SH3GL2: variants seen among roughly 807,000 people sequenced by gnomAD.
The protein encoded by SH3GL2 is endophilin-A1.
A neutral mutation model predicts 46.0 loss-of-function variants in SH3GL2; 24 were observed. That is an observed-to-expected ratio of 0.52 (90% CI 0.38 to 0.73). SH3GL2 has a LOEUF of 0.73. Ranked by LOEUF, SH3GL2 falls within the 30% of genes least tolerant of loss-of-function variation. The pLI, the probability that SH3GL2 is intolerant of heterozygous loss-of-function variation, is 0.00. For missense variants in SH3GL2, 413 were observed against 424.2 expected (o/e 0.97, Z 0.23); for synonymous variants, 196 against 147.1 (o/e 1.33, Z -2.40).
At chr9:17,695,595 G>A (rs78314758) in intron 1 of SH3GL2, among the ~76,000 whole-genome samples, 22,271 of 151,608 alleles carry the variant, frequency 0.15, 2,424 homozygotes, top group African/African-American at 0.29. Flanking sequence ...CTCTGTGCTC[G>A]CCTGGGGCCT....
intron 4 of SH3GL2, among the ~76,000 whole-genome samples, 171 bp from the exon 5 acceptor site, chr9:17,787,209 G>A (rs1823983966): frequency 6.6e-6 from 1 of 152,142 alleles, no homozygotes; most frequent in African/African-American, 2.4e-5. Context: ...TACCCTCTTA[G>A]GGGGCATTGA....
intron 1 of SH3GL2, among the ~76,000 whole-genome samples, chr9:17,584,653 A>G (rs1025917301): frequency 1.3e-5 from 2 of 152,184 alleles, no homozygotes; most frequent in Non-Finnish European, 2.9e-5. Context: ...AAATGTAAAA[A>G]ACCTTTCCAG....
At chr9:17,682,835 A>T (rs1343070311) in intron 1 of SH3GL2, among the ~76,000 whole-genome samples, 1 of 152,136 alleles carries the variant, frequency 6.6e-6, no homozygotes, top group East Asian at 1.9e-4. Flanking sequence ...GCAAGTTAAC[A>T]TGATGTATGT....
intron 2 of SH3GL2, among the ~76,000 whole-genome samples, chr9:17,757,579 G>A (rs1823035907): frequency 6.6e-6 from 1 of 152,200 alleles, no homozygotes. Context: ...TGAAGACGGA[G>A]GCTCAGGAGC....
intron 1 of SH3GL2, among the ~76,000 whole-genome samples, chr9:17,638,156 C>CAAAAA (rs10623700): frequency 4.6e-4 from 67 of 145,634 alleles, no homozygotes; most frequent in African/African-American, 1.6e-3. Flanking sequence ...GACTCCCTCT[C>CAAAAA]AAAAAAAAAA....
Position 17,789,472 on chromosome 9 carries a change from G to A in SH3GL2, c.546G>A (p.Glu182=). The A allele has an allele frequency of 6.2e-7, 1 of 1,613,500 alleles. No homozygotes were observed. The highest frequency in any genetic ancestry group is 1.1e-5 in the South Asian group (1 of 91,068). ...KKRQGKIPDE[E]LRQALEKFDE... is the part of the protein sequence containing the mutation. ...GACAAGGCAAGATTCCGGATGAAGAGCTTCGTCAAGCTCTAGAGAAATTTG... is the reference window on the plus strand; with the variant it reads ...GACAAGGCAAGATTCCGGATGAAGAACTTCGTCAAGCTCTAGAGAAATTTG... The change falls in exon 6 of 9, where the codon GAG becomes GAA. Residue 182 remains glutamate (E), a synonymous_variant. Transcript: ENST00000380607.
intron 1 of SH3GL2, among the ~76,000 whole-genome samples, chr9:17,638,617 C>T (rs2134638657): frequency 6.6e-6 from 1 of 152,322 alleles, no homozygotes; most frequent in East Asian, 1.9e-4. Context: ...GCCACCAGTA[C>T]TCTCCTCTTT....
intron 3 of SH3GL2, among the ~76,000 whole-genome samples, chr9:17,780,149 A>C (rs1823761655): frequency 6.6e-6 from 1 of 152,160 alleles, no homozygotes; most frequent in Non-Finnish European, 1.5e-5. Context: ...TTGCTCAATG[A>C]ACTATTATAA....
At chr9:17,617,286 A>G (rs1044579921) in intron 1 of SH3GL2, among the ~76,000 whole-genome samples, 1 of 152,212 alleles carries the variant, frequency 6.6e-6, no homozygotes. Flanking sequence ...ACATATATGT[A>G]GGTTTGTTAA....
In SH3GL2 at chr9:17,786,456, A is replaced by T; in HGVS notation, c.263A>T (p.Gln88Leu). 1 of 1,613,452 alleles carries T rather than the reference A, an allele frequency of 6.2e-7. No individual in the cohort carries two copies. The change falls in exon 4 of 9, where the codon CAG becomes CTG. Residue 88 changes from glutamine (Q) to leucine (L), a missense_variant. Physicochemically the swap from Gln to Leu is moderately radical, Grantham distance 113. Transcript: ENST00000380607. ...RGQEKGPGYP[Q>L]AEALLAEAML... is the part of the protein sequence containing the mutation. Reference sequence around the variant, plus strand: ...CAGGAGAAGGGGCCAGGCTATCCTCAGGCAGAGGCGCTGCTGGCAGAGGCC... The same window carrying T: ...CAGGAGAAGGGGCCAGGCTATCCTCTGGCAGAGGCGCTGCTGGCAGAGGCC...
intron 1 of SH3GL2, among the ~76,000 whole-genome samples, chr9:17,735,317 C>T (rs1045612174): frequency 6.6e-6 from 1 of 152,068 alleles, no homozygotes; most frequent in African/African-American, 2.4e-5. Flanking sequence ...GACTTAGCAC[C>T]TGTCCTCAGT....
At chr9:17,769,054 A>AT (rs200878120) in intron 3 of SH3GL2, among the ~76,000 whole-genome samples, 3,703 of 152,168 alleles carry the variant, frequency 0.024, 151 homozygotes, top group African/African-American at 0.085. Flanking sequence ...CTTCCTCTCC[A>AT]TGTCTTCTCA....
intron 1 of SH3GL2, among the ~76,000 whole-genome samples, chr9:17,604,045 G>A (rs1031147845): frequency 4.5e-4 from 69 of 152,290 alleles, no homozygotes; most frequent in African/African-American, 1.7e-3. Flanking sequence ...GTCATGGTGG[G>A]GTTTGGCTGC....
chr9:17,782,729 T>C (rs941415468), intron 3 of SH3GL2, among the ~76,000 whole-genome samples: 3 of 151,950 alleles, frequency 2.0e-5, no homozygotes, highest in African/African-American at 7.2e-5. Flanking sequence ...TACCTAAGGG[T>C]TTGAAAAAAT....
At chr9:17,692,662 G>C (rs1046480487) in intron 1 of SH3GL2, among the ~76,000 whole-genome samples, 4 of 151,862 alleles carry the variant, frequency 2.6e-5, no homozygotes, top group East Asian at 3.9e-4. Context: ...AAATTACTTG[G>C]AGAAAGTAGG....
intron 1 of SH3GL2, among the ~76,000 whole-genome samples, chr9:17,611,551 G>A (rs1818867742): frequency 6.6e-6 from 1 of 152,164 alleles, no homozygotes; most frequent in Non-Finnish European, 1.5e-5. Context: ...ACCTGTATAT[G>A]GGATGTATCT....
intron 1 of SH3GL2, among the ~76,000 whole-genome samples, chr9:17,704,356 T>C (rs903548875): frequency 1.3e-5 from 2 of 151,998 alleles, no homozygotes; most frequent in Non-Finnish European, 2.9e-5. Context: ...GTTAAAACAG[T>C]TATACTCTCC....
rs575765456 is a variant in SH3GL2 at position 17,725,942 on chromosome 9, A to G, written c.46-21124A>G. On this transcript the variant is annotated intron_variant, in intron 1 of 8. Coordinates refer to ENST00000380607, the MANE Select transcript of SH3GL2 (RefSeq NM_003026.5). ...GTTCTTGGCCATATCTTCCCATAGC[A>G]AAGTTTCCATCACAGAGCTGGCAGT... Among the ~76,000 whole-genome samples, 18 of 152,204 alleles carry G rather than the reference A, an allele frequency of 1.2e-4. No homozygotes were observed. The South Asian group carries it at 1.9e-3, about 16-fold the overall frequency.
intron 1 of SH3GL2, among the ~76,000 whole-genome samples, chr9:17,586,439 A>G (rs1290361444): frequency 6.6e-6 from 1 of 152,174 alleles, no homozygotes; most frequent in Non-Finnish European, 1.5e-5. Flanking sequence ...CCCCATAGAT[A>G]CTAATGGAAG....
Sources: gnomAD v4.1 joint callset for allele counts (sites outside exome capture counted in the v4.1 genomes callset) on GRCh38, gnomAD v4.1.1 for gene constraint, MANE v1.5 for transcripts, NCBI Gene and HGNC (gene_info 2026-07-23, HGNC 2026-07-21) for gene names.